ETNK1: variants seen among roughly 807,000 people sequenced by gnomAD.
The protein encoded by ETNK1 is ethanolamine kinase 1.
ETNK1 carries 8 observed loss-of-function variants against 45.1 expected under a neutral mutation model. That is an observed-to-expected ratio of 0.18 (90% confidence interval 0.10 to 0.32). The LOEUF (loss-of-function observed/expected upper bound fraction) is 0.32, where lower values mean the gene tolerates loss of function less well. Among genes scored for constraint, ETNK1 ranks in the 10% least tolerant of loss-of-function variants. The pLI, the probability that ETNK1 is intolerant of heterozygous loss-of-function variation, is 1.00. For synonymous variants in ETNK1, 152 were observed against 151.9 expected (o/e 1.00, Z -0.01); for missense variants, 302 against 430.6 (o/e 0.70, Z 2.64).
chr12:22,673,771 C>A, intron 6 of ETNK1, 111 bp downstream of exon 6: 2 of 1,091,156 alleles, frequency 1.8e-6, no homozygotes, highest in Non-Finnish European at 2.6e-6. Flanking sequence ...AATTTTTGTT[C>A]AAAATAATGT....
At chr12:22,679,415 G>C (rs1044693375) in intron 6 of ETNK1, among the ~76,000 whole-genome samples, 1 of 151,964 alleles carries the variant, frequency 6.6e-6, no homozygotes, top group Non-Finnish European at 1.5e-5. Flanking sequence ...TGTTTTTGCC[G>C]TGCTGGCAGC....
At chr12:22,662,813 T>C (rs866308301) in intron 4 of ETNK1, among the ~76,000 whole-genome samples, 1 of 152,334 alleles carries the variant, frequency 6.6e-6, no homozygotes, top group South Asian at 2.1e-4. Flanking sequence ...GTCATAATTA[T>C]ATTAAATTAC....
chr12:22,628,283 T>C (rs576196372), intron 1 of ETNK1, among the ~76,000 whole-genome samples: 37 of 152,258 alleles, frequency 2.4e-4, no homozygotes, highest in Non-Finnish European at 4.4e-4. Flanking sequence ...TTATGAATTA[T>C]TGTTCTATGA....
intron 2 of ETNK1, among the ~76,000 whole-genome samples, chr12:22,649,595 A>C (rs375363269): frequency 3.6e-4 from 54 of 151,856 alleles, no homozygotes; most frequent in Non-Finnish European, 1.0e-4. Context: ...TGCAGATATC[A>C]CACTACCTTA....
At chr12:22,674,480 G>A (rs776089683) in intron 6 of ETNK1, among the ~76,000 whole-genome samples, 1 of 152,120 alleles carries the variant, frequency 6.6e-6, no homozygotes, top group Non-Finnish European at 1.5e-5. Flanking sequence ...AAGTAAGAAG[G>A]TGTCCTGAAA....
At chr12:22,649,700 T>G (rs1953850890) in intron 2 of ETNK1, among the ~76,000 whole-genome samples, 1 of 152,108 alleles carries the variant, frequency 6.6e-6, no homozygotes, top group Admixed American at 6.6e-5. Flanking sequence ...TTCTGGGCCT[T>G]TTGCTTCTCC....
In ETNK1 at chr12:22,660,828, GTTT is replaced by G. The variant is rs1369663384; in HGVS notation, c.558-231_558-229del. 2.6e-5 allele frequency among the ~76,000 whole-genome samples: 4 copies of G among 152,096 alleles called. No homozygotes were observed. In the East Asian group the frequency reaches 5.8e-4, roughly 22 times the overall value. ...ACTTAGAAACCCAAGTTTTTAGTGA[GTTT>G]TTTAACTTTTGTCCTACATTTTAAT... On this transcript the variant is annotated intron_variant, in intron 3 of 7. Transcript: ENST00000266517.
At chr12:22,670,687 G>A (rs1954099135) in intron 4 of ETNK1, among the ~76,000 whole-genome samples, 1 of 152,152 alleles carries the variant, frequency 6.6e-6, no homozygotes, top group Admixed American at 6.5e-5. Context: ...CTCAGATATG[G>A]AAACCTTGGT....
chr12:22,625,360 TGTCGGCGCCCGCCGTTCTCGTG>T lies in ETNK1; in HGVS notation c.-66_-45del. On this transcript the variant is annotated 5_prime_UTR_variant, in exon 1 of 8. Coordinates refer to ENST00000266517, the MANE Select transcript of ETNK1 (RefSeq NM_018638.5). ...CCCGGGACGGAAGGATCCACCAGTC[TGTCGGCGCCCGCCGTTCTCGTG>T]GTCGCCGTCGCCGTCGTCGTGGTGG... 3 of 1,550,918 alleles carry T rather than the reference TGTCGGCGCCCGCCGTTCTCGTG, an allele frequency of 1.9e-6. No homozygotes were observed. The highest frequency in any genetic ancestry group is 2.6e-6 in the Non-Finnish European group (3 of 1,151,440).
At chr12:22,684,800 C>CT in intron 7 of ETNK1, 82 bp from the exon 8 acceptor site, 2 of 1,118,492 alleles carry the variant, frequency 1.8e-6, no homozygotes, top group Non-Finnish European at 2.6e-6. Context: ...AGAAAACCAG[C>CT]TTAGAGGACT....
intron 6 of ETNK1, among the ~76,000 whole-genome samples, chr12:22,678,798 C>T (rs1954186217): frequency 6.6e-6 from 1 of 152,226 alleles, no homozygotes; most frequent in Non-Finnish European, 1.5e-5. Context: ...CATGACAAGA[C>T]TTCAAAGCTC....
intron 6 of ETNK1, chr12:22,682,176 A>T (rs959487750): frequency 8.0e-6 from 2 of 250,886 alleles, no homozygotes; most frequent in Non-Finnish European, 1.6e-5. Flanking sequence ...AAGATCACAT[A>T]TGTTGATATC....
rs79823520 is a variant in ETNK1, at chr12:22,669,374, T to A, written c.701-1898T>A. 4.4e-4 allele frequency among the ~76,000 whole-genome samples: 67 copies of A among 152,258 alleles called. 1 individual carries two copies. In the East Asian group the frequency reaches 0.012, roughly 26 times the overall value. ...ACTTGTCTATCACCTGTTAATAGTT[T>A]AAACATTTTGGTTTATTTCCATTCA... On this transcript the variant is annotated intron_variant, in intron 4 of 7. Coordinates refer to ENST00000266517, the MANE Select transcript of ETNK1 (RefSeq NM_018638.5).
intron 5 of ETNK1, among the ~76,000 whole-genome samples, chr12:22,671,709 G>A (rs1565447337): frequency 6.6e-6 from 1 of 151,716 alleles, no homozygotes; most frequent in African/African-American, 2.4e-5. Context: ...CGTGGTGGTG[G>A]GCGCCTGTAG....
chr12:22,634,247 GA>G (rs1251705078), intron 1 of ETNK1, among the ~76,000 whole-genome samples: 3 of 151,618 alleles, frequency 2.0e-5, no homozygotes, highest in Non-Finnish European at 4.4e-5. Flanking sequence ...TACTTTGATT[GA>G]AAAAAAATTT....
intron 4 of ETNK1, among the ~76,000 whole-genome samples, chr12:22,670,314 C>T (rs762805100): frequency 1.2e-4 from 18 of 151,918 alleles, no homozygotes; most frequent in Middle Eastern, 3.4e-3. Context: ...TTTAACTCCA[C>T]GCCCCTGTAA....
intron 4 of ETNK1, among the ~76,000 whole-genome samples, chr12:22,666,487 C>T (rs1203483421): frequency 6.6e-6 from 1 of 152,146 alleles, no homozygotes; most frequent in Non-Finnish European, 1.5e-5. Flanking sequence ...TAACTACTGA[C>T]ATCAAGAAAT....
intron 5 of ETNK1, among the ~76,000 whole-genome samples, chr12:22,671,944 A>T (rs1048717185): frequency 3.3e-5 from 5 of 151,102 alleles, no homozygotes; most frequent in African/African-American, 1.2e-4. Flanking sequence ...ATCTTACCTC[A>T]TTTTTTTCTC....
At chr12:22,684,668 A>G (rs931363648) in intron 7 of ETNK1, 112 bp downstream of exon 7, 41 of 827,116 alleles carry the variant, frequency 5.0e-5, no homozygotes, top group Non-Finnish European at 7.3e-5. Flanking sequence ...AAAGTTGTAT[A>G]CACTTAGTAA....
Sources: allele counts gnomAD v4.1 joint callset (sites outside exome capture counted in the v4.1 genomes callset), GRCh38; gene constraint gnomAD v4.1.1; transcripts MANE v1.5; gene names NCBI Gene and HGNC (gene_info 2026-07-23, HGNC 2026-07-21).